CELF2: variants seen among roughly 807,000 people sequenced by gnomAD.
CELF2 encodes the protein CUG triplet repeat RNA-binding protein 2.
A neutral mutation model predicts 62.6 loss-of-function variants in CELF2; 8 were observed. The observed-to-expected ratio is 0.13, with a 90% CI of 0.07 to 0.23. The LOEUF (loss-of-function observed/expected upper bound fraction) is 0.23. Among genes scored for constraint, CELF2 ranks in the 10% least tolerant of loss-of-function variants. CELF2 has a pLI of 1.00. For synonymous variants in CELF2, 258 were observed against 250.0 expected, an observed-to-expected ratio of 1.03 and a Z score of -0.30; for missense variants, 333 against 671.0, an observed-to-expected ratio of 0.50 and a Z score of 5.56.
At chr10:10,794,447 A>C (rs1466362149), upstream of CELF2, among the ~76,000 whole-genome samples, 1 of 152,224 alleles carries the variant, frequency 6.6e-6, no homozygotes, top group Non-Finnish European at 1.5e-5. Flanking sequence ...GCCGCTCCAA[A>C]ACAATAACAA....
intron 1 of CELF2, among the ~76,000 whole-genome samples, chr10:10,818,104 A>G (rs1445046492): frequency 6.6e-6 from 1 of 152,208 alleles, no homozygotes; most frequent in East Asian, 1.9e-4. Flanking sequence ...AGGGTATTTC[A>G]TTGGGGTCAA....
At chr10:10,536,393 A>AAT in the CELF2 span, among the ~76,000 whole-genome samples, 2 of 152,216 alleles carry the variant, frequency 1.3e-5, no homozygotes, top group African/African-American at 4.8e-5. Flanking sequence ...GATATAAATA[A>AAT]AAACACTGGT....
chr10:11,270,800 C>A lies in CELF2; in HGVS notation c.753C>A (p.Gly251=). The change falls in exon 7 of 13, where the codon GGC becomes GGA. Residue 251 remains glycine (G), a synonymous_variant. Coordinates refer to ENST00000633077, the MANE Select transcript of CELF2 (RefSeq NM_001326342.2). This position sits in a 1 kb window ranked among gnomAD's most constrained non-coding sequence, Gnocchi z 5.8. ...TATWGNLTGL[G]GLTPQYLALL... ...CCTGGGGGAACCTGACAGGGCTGGGCGGACTGACCCCACAGTATCTGGCGG... is the reference window on the plus strand; with the variant it reads ...CCTGGGGGAACCTGACAGGGCTGGGAGGACTGACCCCACAGTATCTGGCGG... 1 of 1,487,938 alleles carries A rather than the reference C, an allele frequency of 6.7e-7. No homozygotes were observed. Among genetic ancestry groups the A allele is most frequent in the Non-Finnish European group, 9.0e-7 (1 of 1,111,948 alleles). The allele number at this position is 1,487,938 out of a possible 1,614,324, so 92.2% of individuals were successfully genotyped here. A position where few individuals can be genotyped will look rare whatever the true frequency, so the allele number is the denominator to read the frequency against.
At chr10:11,049,238 CT>C in intron 1 of CELF2, among the ~76,000 whole-genome samples, 1 of 146,434 alleles carries the variant, frequency 6.8e-6, no homozygotes, top group South Asian at 2.1e-4. Flanking sequence ...AACTGCCTGT[CT>C]TTTTTTCTCC....
chr10:10,494,242 G>T, the CELF2 span, among the ~76,000 whole-genome samples: 9 of 152,316 alleles, frequency 5.9e-5, no homozygotes, highest in Admixed American at 2.0e-4. Flanking sequence ...GGGATGAAAA[G>T]GTAGCAGCCT....
chr10:10,470,742 C>T, the CELF2 span, among the ~76,000 whole-genome samples: 9 of 151,042 alleles, frequency 6.0e-5, no homozygotes, highest in East Asian at 1.9e-4. Context: ...AATAATCTCC[C>T]TATCTCAAAG....
the CELF2 span, among the ~76,000 whole-genome samples, chr10:10,542,979 G>A: frequency 6.6e-6 from 1 of 152,320 alleles, no homozygotes; most frequent in East Asian, 1.9e-4. Flanking sequence ...TCAGGCAGAA[G>A]AGTCCTTTGG....
chr10:10,742,943 C>T, the CELF2 span, among the ~76,000 whole-genome samples: 2 of 152,218 alleles, frequency 1.3e-5, no homozygotes, highest in Non-Finnish European at 2.9e-5. Flanking sequence ...TATGGAGAAA[C>T]ATTTTGTAAG....
At chr10:10,570,424 G>C in the CELF2 span, among the ~76,000 whole-genome samples, 1 of 152,034 alleles carries the variant, frequency 6.6e-6, no homozygotes, top group African/African-American at 2.4e-5. Flanking sequence ...AAGTCAACAA[G>C]CAAAACACAA....
intron 1 of CELF2, among the ~76,000 whole-genome samples, chr10:10,813,239 G>A (rs2056109541): frequency 6.6e-6 from 1 of 152,228 alleles, no homozygotes; most frequent in Non-Finnish European, 1.5e-5. Flanking sequence ...GATGAGTTCT[G>A]CTGACAGAGA....
the CELF2 span, among the ~76,000 whole-genome samples, chr10:10,538,759 A>C: frequency 6.6e-6 from 1 of 152,228 alleles, no homozygotes; most frequent in African/African-American, 2.4e-5. Context: ...CATCAAGGAA[A>C]GGAGGCCACC....
rs2096080252 is a variant in CELF2 at position 11,334,294 on chromosome 10, AATGT to A, written c.*5246_*5249del. On this transcript the variant is annotated 3_prime_UTR_variant, in exon 13 of 13. Transcript: ENST00000633077. ...TTGAAACAGTCAAACTTATTTTTGT[AATGT>A]ATGTTATTGTGTGATGCAGTTTTTT... 6.5e-6 allele frequency: 1 copy of A among 152,732 alleles called. No homozygotes were observed. The highest frequency in any genetic ancestry group is 1.9e-4 in the East Asian group (1 of 5,182). The allele number at this position is 152,732 out of a possible 1,614,324, so 9.5% of individuals were successfully genotyped here.
intron 1 of CELF2, among the ~76,000 whole-genome samples, chr10:10,902,889 G>A (rs887604623): frequency 7.6e-6 from 1 of 131,780 alleles, no homozygotes; most frequent in African/African-American, 2.8e-5. Context: ...GCAGGAGAGA[G>A]AGGGAAGAAG....
chr10:10,462,881 G>C, the CELF2 span, among the ~76,000 whole-genome samples: 1 of 152,012 alleles, frequency 6.6e-6, no homozygotes, highest in East Asian at 1.9e-4. Context: ...ACAATGAGTT[G>C]TTGATTGTTT....
chr10:11,311,591 A>G lies in CELF2; in HGVS notation c.977-2548A>G, dbSNP rs2094562953. ...ATACAGCTAATATGTTTACATATTA[A>G]AAGAATTTGAAAAGCGAAAAAGCCA... On this transcript the variant is annotated intron_variant, in intron 9 of 12. Coordinates refer to ENST00000633077, the MANE Select transcript of CELF2 (RefSeq NM_001326342.2). This position sits in a 1 kb window ranked among gnomAD's most constrained non-coding sequence, Gnocchi z 4.7. Among the ~76,000 whole-genome samples the G allele has an allele frequency of 6.6e-6, 1 of 152,256 alleles. No homozygotes were observed. Among genetic ancestry groups the G allele is most frequent in the African/African-American group, 2.4e-5 (1 of 41,466 alleles).
Position 11,309,285 on chromosome 10 carries a change from C to T in CELF2, c.977-4854C>T, listed in dbSNP as rs1191720092. ...CCTCCTTACCCACTGCACATCACCC[C>T]TTCCCCACTGGCTTCTCATTTGTGT... On this transcript the variant is annotated intron_variant, in intron 9 of 12. Transcript: ENST00000633077. The surrounding 1 kb of genome is among the most constrained non-coding windows in gnomAD (Gnocchi z 5.6). Among the ~76,000 whole-genome samples the T allele has an allele frequency of 6.6e-6, 1 of 152,256 alleles. No individual in the cohort carries two copies. Among genetic ancestry groups the T allele is most frequent in the Non-Finnish European group, 1.5e-5 (1 of 68,046 alleles).
chr10:10,597,149 G>T, the CELF2 span, among the ~76,000 whole-genome samples: 1 of 152,306 alleles, frequency 6.6e-6, no homozygotes, highest in South Asian at 2.1e-4. Flanking sequence ...TTTTCTAAGT[G>T]TGTTCATCAG....
intron 12 of CELF2, among the ~76,000 whole-genome samples, chr10:11,326,676 T>C (rs553308101): frequency 2.0e-5 from 3 of 152,368 alleles, no homozygotes; most frequent in South Asian, 2.1e-4. Context: ...TCATTAAATA[T>C]ATTCCTTGTT....
intron 1 of CELF2, among the ~76,000 whole-genome samples, chr10:10,897,655 G>A (rs1249385962): frequency 6.6e-6 from 1 of 152,124 alleles, no homozygotes; most frequent in African/African-American, 2.4e-5. Flanking sequence ...ATAGAGATGG[G>A]TCATCCAGGA....
Sources: allele counts gnomAD v4.1 joint callset (sites outside exome capture counted in the v4.1 genomes callset), GRCh38; gene constraint gnomAD v4.1.1; non-coding constraint Gnocchi (gnomAD v3.1); transcripts MANE v1.5; gene names NCBI Gene and HGNC (gene_info 2026-07-23, HGNC 2026-07-21).